BAZ1B: variants seen among roughly 807,000 people sequenced by gnomAD.
BAZ1B encodes bromodomain adjacent to zinc finger domain 1B, also known as tyrosine-protein kinase BAZ1B.
In BAZ1B, 22 loss-of-function variants were observed where a neutral mutation model predicts 153.8. The ratio of observed to expected loss-of-function variants is 0.14; its 90% CI spans 0.10 to 0.20. The LOEUF (loss-of-function observed/expected upper bound fraction) is 0.20. BAZ1B is among the 10% of genes least tolerant of loss of function. The pLI, the probability that BAZ1B is intolerant of heterozygous loss-of-function variation, is 1.00. For synonymous variants in BAZ1B, 676 were observed against 633.4 expected, an observed-to-expected ratio of 1.07 and a Z score of -1.01; for missense variants, 1,325 against 1,799.3, an observed-to-expected ratio of 0.74 and a Z score of 4.77.
intron 3 of BAZ1B, among the ~76,000 whole-genome samples, chr7:73,499,064 C>T (rs1350535105): frequency 6.6e-6 from 1 of 152,072 alleles, no homozygotes. Flanking sequence ...CTCTCTCTGT[C>T]ACCCAGGCTG....
chr7:73,520,653 A>G (rs1790998435), intron 1 of BAZ1B, among the ~76,000 whole-genome samples: 1 of 152,174 alleles, frequency 6.6e-6, no homozygotes, highest in African/African-American at 2.4e-5. Flanking sequence ...CTTTGTGTGT[A>G]TACTCCCCAC....
At chr7:73,494,619 C>A (rs1789801741) in intron 4 of BAZ1B, among the ~76,000 whole-genome samples, 7 of 151,880 alleles carry the variant, frequency 4.6e-5, no homozygotes, top group Admixed American at 4.6e-4. Flanking sequence ...TGTTGTGATG[C>A]ACACGTGTGG....
At position 73,442,569 on chromosome 7, in the gene BAZ1B, A is replaced by G. The variant is rs782102165; in HGVS notation, c.4095-16T>C. The G allele has an allele frequency of 6.3e-7, 1 of 1,599,840 alleles. No homozygotes were observed. On this transcript the variant is annotated splice_polypyrimidine_tract_variant and intron_variant, in intron 18 of 19. Transcript: ENST00000339594. ...CACAGGCTCCCTGTGGAGAAGAACC[A>G]AATGGAGAATCTGCACAGCCTTGAC...
chr7:73,450,144 T>C lies in BAZ1B; in HGVS notation c.3581-455A>G, dbSNP rs1313416713. On this transcript the variant is annotated intron_variant, in intron 14 of 19. Coordinates refer to ENST00000339594, the MANE Select transcript of BAZ1B (RefSeq NM_032408.4). The surrounding 1 kb of genome is among the most constrained non-coding windows in gnomAD (Gnocchi z 4.1). ...CTCACTGCAACCTCCGCCTCCCGGG[T>C]TCAAGTGATTCTCCTGCTTCAGCCT... Among the ~76,000 whole-genome samples, 9 of 151,440 alleles carry C rather than the reference T, an allele frequency of 5.9e-5. No individual in the cohort carries two copies. Among genetic ancestry groups the C allele is most frequent in the South Asian group, 2.1e-4 (1 of 4,782 alleles).
intron 19 of BAZ1B, 26 bp downstream of exon 19, chr7:73,442,155 C>CT: frequency 1.1e-5 from 5 of 451,990 alleles, no homozygotes; most frequent in African/African-American, 4.4e-5. Context: ...CCCTCCCTAG[C>CT]TGTCCCCCCA....
chr7:73,458,134 G>A (rs1554569810), intron 13 of BAZ1B, among the ~76,000 whole-genome samples: 1 of 152,188 alleles, frequency 6.6e-6, no homozygotes, highest in Non-Finnish European at 1.5e-5. Flanking sequence ...CATCTGAAGT[G>A]AGAATAGTCT....
chr7:73,447,790 G>A (rs1787892759), intron 15 of BAZ1B, among the ~76,000 whole-genome samples: 1 of 152,222 alleles, frequency 6.6e-6, no homozygotes, highest in Non-Finnish European at 1.5e-5. Context: ...ACAGAGCCCA[G>A]ACAGGTGTGA....
In BAZ1B at chr7:73,519,551, A is replaced by G. The variant is rs543143560; in HGVS notation, c.107+2276T>C. Among the ~76,000 whole-genome samples the G allele has an allele frequency of 2.6e-5, 4 of 152,238 alleles. 1 individual carries two copies. The highest frequency in any genetic ancestry group is 5.9e-5 in the Non-Finnish European group (4 of 68,038). The stretch of plus-strand genomic sequence containing the variant: ...GCTGTTATGGGAAATTAAAAAATGA[A>G]GAATGTTTATTAAATACATACCACT... On this transcript the variant is annotated intron_variant, in intron 1 of 19. Coordinates refer to ENST00000339594, the MANE Select transcript of BAZ1B (RefSeq NM_032408.4).
chr7:73,501,438 G>C (rs1190887325), intron 3 of BAZ1B, among the ~76,000 whole-genome samples: 1 of 152,062 alleles, frequency 6.6e-6, no homozygotes, highest in African/African-American at 2.4e-5. Context: ...GGTTTTCCCA[G>C]TACAGTACAG....
At chr7:73,490,639 C>T (rs1182220003) in intron 5 of BAZ1B, among the ~76,000 whole-genome samples, 2 of 148,550 alleles carry the variant, frequency 1.3e-5, no homozygotes, top group African/African-American at 5.0e-5. Flanking sequence ...GAGTTTCACT[C>T]TTGTTGCCCA....
Position 73,442,809 on chromosome 7 carries a change from C to T in BAZ1B, c.4010G>A (p.Ser1337Asn), listed in dbSNP as rs781892292. 1.6e-5 allele frequency: 26 copies of T among 1,613,852 alleles called. No homozygotes were observed. The highest frequency in any genetic ancestry group is 8.3e-5 in the Admixed American group (5 of 59,986). Residue 1337 changes from serine to asparagine, a missense_variant, in exon 18 of 20, where the codon AGC (serine) becomes AAC (asparagine). By Grantham distance (46) the Ser-to-Asn change is conservative. Transcript: ENST00000339594. ...CAGCTCCAGGCTTTGCCTCCGGGAG[C>T]TCCGCTTGGTCTGAAGCACCTGGCA... ...VDELVLQTKR[S>N]SRRQSLELQK... is the part of the protein sequence containing the mutation.
Position 73,449,570 on chromosome 7 carries a change from C to T in BAZ1B, c.3700G>A (p.Ala1234Thr), listed in dbSNP as rs1398522798. ...GEWQCPACQP[A>T]TARRNSRGRN... is the part of the protein sequence containing the mutation. ...CCACGGGAGTTGCGCCTGGCAGTAG[C>T]GGGCTGGCAAGCTGGGCACTGCCAC... Residue 1234 changes from alanine (A) to threonine (T), a missense_variant, in exon 15 of 20, where the codon GCT becomes ACT. This residue lies in a region of BAZ1B where 271 missense variants were observed against 337.2 expected (regional missense o/e 0.80). Coordinates refer to ENST00000339594, the MANE Select transcript of BAZ1B (RefSeq NM_032408.4). 5.0e-6 allele frequency: 8 copies of T among 1,613,064 alleles called. No individual in the cohort carries two copies. The highest frequency in any genetic ancestry group is 1.7e-4 in the Middle Eastern group (1 of 6,052).
At chr7:73,488,203 T>C (rs892899344) in intron 6 of BAZ1B, among the ~76,000 whole-genome samples, 28 of 152,146 alleles carry the variant, frequency 1.8e-4, no homozygotes, top group Non-Finnish European at 2.4e-4. Flanking sequence ...CATTTACCAA[T>C]GAAAGAAGCA....
chr7:73,490,555 T>TA (rs1201330926), intron 5 of BAZ1B, among the ~76,000 whole-genome samples: 1 of 152,130 alleles, frequency 6.6e-6, no homozygotes, highest in African/African-American at 2.4e-5. Flanking sequence ...AAAATACTTA[T>TA]ACTCATCAAT....
chr7:73,469,709 T>G (rs1788724408), intron 8 of BAZ1B, 59 bp from the exon 9 acceptor site: 1 of 1,584,410 alleles, frequency 6.3e-7, no homozygotes, highest in African/African-American at 1.3e-5. Context: ...CAGGATGATT[T>G]TACTGCTGGA....
At chr7:73,460,370 G>C (rs1788355104) in intron 12 of BAZ1B, among the ~76,000 whole-genome samples, 1 of 152,042 alleles carries the variant, frequency 6.6e-6, no homozygotes, top group Non-Finnish European at 1.5e-5. Flanking sequence ...CACTAAGAAA[G>C]TAAAATAAAA....
At chr7:73,462,851 A>C (rs782300947) in intron 12 of BAZ1B, 71 bp downstream of exon 12, 1 of 1,542,256 alleles carries the variant, frequency 6.5e-7, no homozygotes, top group Non-Finnish European at 9.0e-7. Context: ...GGAAGTCAAG[A>C]ACAGCACCAG....
chr7:73,495,554 G>C (rs1311456249), intron 4 of BAZ1B, among the ~76,000 whole-genome samples: 1 of 152,174 alleles, frequency 6.6e-6, no homozygotes, highest in Non-Finnish European at 1.5e-5. Context: ...GTGGTATCAA[G>C]CTAAGAGATA....
intron 9 of BAZ1B, among the ~76,000 whole-genome samples, 193 bp downstream of exon 9, chr7:73,469,324 C>A (rs1248446320): frequency 6.6e-6 from 1 of 152,278 alleles, no homozygotes; most frequent in East Asian, 1.9e-4. Flanking sequence ...ATGCTTAGAA[C>A]AAAGGTGGTA....
Sources: gnomAD v4.1 joint callset for allele counts (sites outside exome capture counted in the v4.1 genomes callset) on GRCh38, gnomAD v4.1.1 for gene constraint, gnomAD v4.1.1 regional missense constraint, Gnocchi (gnomAD v3.1) non-coding constraint, MANE v1.5 for transcripts, NCBI Gene and HGNC (gene_info 2026-07-23, HGNC 2026-07-21) for gene names.